Variants in VCAN observed in about 807,000 individuals in gnomAD.
The protein encoded by VCAN is versican core protein.
VCAN carries 44 observed loss-of-function variants against 245.5 expected under a neutral mutation model. The ratio of observed to expected loss-of-function variants is 0.18; its 90% CI spans 0.14 to 0.23. The LOEUF is 0.23. VCAN is among the 10% of genes least tolerant of loss of function. VCAN has a pLI of 1.00. For missense variants in VCAN, 3,793 were observed against 4,057.9 expected (o/e 0.93, Z 1.77); for synonymous variants, 1,413 against 1,437.0 (o/e 0.98, Z 0.38).
rs756880346 is a variant in VCAN, at chr5:83,542,011, C to T, written c.9008C>T (p.Thr3003Met). The T allele has an allele frequency of 2.6e-5, 42 of 1,610,552 alleles. No individual in the cohort carries two copies. The highest frequency in any genetic ancestry group is 1.9e-4 in the African/African-American group (14 of 74,860). Residue 3003 changes from threonine to methionine, a missense_variant, in exon 8 of 15, where the codon ACG becomes ATG. Coordinates refer to ENST00000265077, the MANE Select transcript of VCAN (RefSeq NM_004385.5). Reference protein sequence around the residue: ...WLSPQTSERPTLSSSPEINPE... With the variant: ...WLSPQTSERPMLSSSPEINPE... Reference sequence around the variant, plus strand: ...AGTCCACAGACTTCTGAGAGGCCCACGCTTTCTTCTTCTCCAGAAATAAAC... The same window carrying T: ...AGTCCACAGACTTCTGAGAGGCCCATGCTTTCTTCTTCTCCAGAAATAAAC...
At chr5:83,519,295 T>A in intron 6 of VCAN, 54 bp from the exon 7 acceptor site, 1 of 1,586,876 alleles carries the variant, frequency 6.3e-7, no homozygotes, top group South Asian at 1.1e-5. Flanking sequence ...ACACTGGGCA[T>A]ACAAGTTTTT....
chr5:83,576,057 T>G (rs1309952706), intron 13 of VCAN, among the ~76,000 whole-genome samples: 1 of 152,144 alleles, frequency 6.6e-6, no homozygotes, highest in Admixed American at 6.6e-5. Context: ...TCCTTTTAAT[T>G]AACTATTACA....
intron 12 of VCAN, among the ~76,000 whole-genome samples, chr5:83,564,301 A>G (rs1230056230): frequency 6.6e-6 from 1 of 152,094 alleles, no homozygotes; most frequent in Non-Finnish European, 1.5e-5. Flanking sequence ...GTAAGAATGG[A>G]TATATATCAC....
chr5:83,580,190 T>G, intron 14 of VCAN, 28 bp downstream of exon 14: 1 of 1,613,962 alleles, frequency 6.2e-7, no homozygotes, highest in Non-Finnish European at 8.5e-7. Context: ...AAGAATGGAC[T>G]ACCGTGCTAT....
At chr5:83,546,536 G>T (rs1235146643) in intron 9 of VCAN, among the ~76,000 whole-genome samples, 1 of 151,058 alleles carries the variant, frequency 6.6e-6, no homozygotes, top group Non-Finnish European at 1.5e-5. Flanking sequence ...TGGGCGAATC[G>T]CTTGATCCCA....
At chr5:83,575,227 T>C (rs1321748013) in intron 13 of VCAN, among the ~76,000 whole-genome samples, 1 of 152,198 alleles carries the variant, frequency 6.6e-6, no homozygotes, top group Non-Finnish European at 1.5e-5. Flanking sequence ...CCGAGTCTCA[T>C]ATGAAAGTCA....
At chr5:83,493,974 A>G (rs1211064829) in intron 5 of VCAN, 43 bp downstream of exon 5, 1 of 1,613,156 alleles carries the variant, frequency 6.2e-7, no homozygotes, top group Non-Finnish European at 8.5e-7. Context: ...AACTGAGAAA[A>G]CTGAGGGAAG....
Position 83,519,717 on chromosome 5 carries a change from A to G in VCAN, c.1411A>G (p.Thr471Ala). The G allele has an allele frequency of 6.2e-7, 1 of 1,614,180 alleles. No homozygotes were observed. Among genetic ancestry groups the G allele is most frequent in the Non-Finnish European group, 8.5e-7 (1 of 1,179,994 alleles). Residue 471 changes from threonine (T) to alanine (A), a missense_variant, in exon 7 of 15, where the codon ACG (threonine) becomes GCG (alanine). By Grantham distance (58) the Thr-to-Ala change is moderately conservative. Around this residue, in one of 5 missense-constraint regions of VCAN, gnomAD observed 3,182 missense variants for 3,250.3 expected, o/e 0.98. Coordinates refer to ENST00000265077, the MANE Select transcript of VCAN (RefSeq NM_004385.5). Reference protein sequence around the residue: ...QSTTGVSHYATDSWDGVVEDK... With the variant: ...QSTTGVSHYAADSWDGVVEDK... Reference sequence around the variant, plus strand: ...TACAACTGGCGTCTCTCATTATGCTACGGATTCATGGGATGGTGTCGTGGA... The same window carrying G: ...TACAACTGGCGTCTCTCATTATGCTGCGGATTCATGGGATGGTGTCGTGGA...
At chr5:83,566,253 A>G (rs914100987) in intron 12 of VCAN, among the ~76,000 whole-genome samples, 10 of 152,082 alleles carry the variant, frequency 6.6e-5, no homozygotes, top group African/African-American at 2.4e-4. Context: ...GAGCCACCAC[A>G]CCTGGCCCTG....
rs371607710 is a variant in VCAN, at chr5:83,554,486, C to T, written c.9653-470C>T. ...GGATAAATCTGTAGAACTGTCTAAT[C>T]TAGGTGTTCACTAATTAAAATGTTT... is the stretch of plus-strand genomic sequence containing the variant. On this transcript the variant is annotated intron_variant, in intron 11 of 14. Transcript: ENST00000265077. Among the ~76,000 whole-genome samples the T allele has an allele frequency of 1.2e-4, 19 of 152,226 alleles. No individual in the cohort carries two copies. In the South Asian group the frequency reaches 3.9e-3, roughly 32 times the overall value.
At chr5:83,496,553 T>G (rs1025655927) in intron 5 of VCAN, among the ~76,000 whole-genome samples, 2 of 152,240 alleles carry the variant, frequency 1.3e-5, no homozygotes, top group Non-Finnish European at 2.9e-5. Context: ...TAACAAGGCA[T>G]TTATTTGTTT....
chr5:83,520,217 C>T lies in VCAN; in HGVS notation c.1911C>T (p.Gly637=). Reference sequence around the variant, plus strand: ...GTAGGATAACGGAAGAGTTTCTTGGCAAATATCTGTCTACTACACCTTTTC... The same window carrying T: ...GTAGGATAACGGAAGAGTTTCTTGGTAAATATCTGTCTACTACACCTTTTC... ...TSGRITEEFL[G]KYLSTTPFPS... Residue 637 remains glycine (G), a synonymous_variant, in exon 7 of 15, where the codon GGC becomes GGT. Transcript: ENST00000265077. The T allele has an allele frequency of 1.2e-6, 2 of 1,613,958 alleles. No homozygotes were observed. The highest frequency in any genetic ancestry group is 1.7e-6 in the Non-Finnish European group (2 of 1,179,950).
chr5:83,502,720 A>G (rs1159480125), intron 5 of VCAN, among the ~76,000 whole-genome samples: 1 of 152,212 alleles, frequency 6.6e-6, no homozygotes, highest in Non-Finnish European at 1.5e-5. Context: ...GATTTAGAGA[A>G]TATTAACTGA....
At chr5:83,554,924 T>C (rs1369424596) in intron 11 of VCAN, 32 bp from the exon 12 acceptor site, 2 of 1,594,706 alleles carry the variant, frequency 1.3e-6, no homozygotes, top group African/African-American at 1.3e-5. Context: ...GGAAAAGTAG[T>C]ACAAATATCT....
chr5:83,494,259 T>C (rs1292360091), intron 5 of VCAN, among the ~76,000 whole-genome samples: 17 of 152,150 alleles, frequency 1.1e-4, no homozygotes, highest in Non-Finnish European at 1.5e-5. Context: ...GGTGAGAGCA[T>C]AAGATAAAAA....
intron 13 of VCAN, among the ~76,000 whole-genome samples, chr5:83,575,037 A>G (rs1748422106): frequency 6.6e-6 from 1 of 152,174 alleles, no homozygotes; most frequent in Non-Finnish European, 1.5e-5. Flanking sequence ...CCAGACTTTT[A>G]CCCATCTCAA....
intron 1 of VCAN, among the ~76,000 whole-genome samples, chr5:83,472,597 T>G (rs1416979064): frequency 6.6e-6 from 1 of 152,214 alleles, no homozygotes; most frequent in South Asian, 2.1e-4. Context: ...GCCTGGGACC[T>G]TGCGCGGACC....
At chr5:83,476,335 G>T (rs933321813) in intron 1 of VCAN, among the ~76,000 whole-genome samples, 1 of 152,182 alleles carries the variant, frequency 6.6e-6, no homozygotes, top group Non-Finnish European at 1.5e-5. Flanking sequence ...ATGGGATATT[G>T]CCCTGTGATG....
chr5:83,494,009 A>G, intron 5 of VCAN, 78 bp downstream of exon 5: 2 of 1,605,848 alleles, frequency 1.2e-6, no homozygotes, highest in South Asian at 2.2e-5. Flanking sequence ...GGAATAGAGC[A>G]AGTCTTCGTG....
Sources: gnomAD v4.1 joint callset for allele counts (sites outside exome capture counted in the v4.1 genomes callset) on GRCh38, gnomAD v4.1.1 for gene constraint, gnomAD v4.1.1 regional missense constraint, MANE v1.5 for transcripts, NCBI Gene and HGNC (gene_info 2026-07-23, HGNC 2026-07-21) for gene names.